Variants in FBLN2 observed in about 807,000 individuals in gnomAD.
FBLN2 encodes the protein fibulin 2.
Under a neutral mutation model 123.7 loss-of-function variants are expected in FBLN2, and 81 were observed. That is an observed-to-expected ratio of 0.65 (90% CI 0.55 to 0.79). FBLN2 has a LOEUF of 0.79. Ranked by LOEUF, FBLN2 falls within the 30% of genes least tolerant of loss-of-function variation. FBLN2 has a pLI of 0.00. For synonymous variants in FBLN2, 699 were observed against 701.4 expected (o/e 1.00, Z 0.05); for missense variants, 1,603 against 1,681.3 (o/e 0.95, Z 0.81).
chr3:13,620,499 C>T (rs1008887534), intron 8 of FBLN2, among the ~76,000 whole-genome samples: 4 of 152,198 alleles, frequency 2.6e-5, no homozygotes, highest in Non-Finnish European at 5.9e-5. Flanking sequence ...ACATACCTTC[C>T]ACCCCCGTGG....
chr3:13,614,288 G>C, intron 5 of FBLN2, 124 bp downstream of exon 5: 1 of 937,580 alleles, frequency 1.1e-6, no homozygotes. Flanking sequence ...TCTAAACAGA[G>C]TTCTGAGGAT....
chr3:13,559,205 G>A (rs1703544247), intron 1 of FBLN2, among the ~76,000 whole-genome samples: 1 of 151,916 alleles, frequency 6.6e-6, no homozygotes, highest in African/African-American at 2.4e-5. Flanking sequence ...GTCTGTTAAG[G>A]CTCTTGGTTG....
chr3:13,574,144 C>T (rs1235324695), intron 2 of FBLN2, among the ~76,000 whole-genome samples: 2 of 152,184 alleles, frequency 1.3e-5, no homozygotes, highest in Non-Finnish European at 2.9e-5. Flanking sequence ...CAGTGGACAG[C>T]AGCAGTCATT....
intron 11 of FBLN2, among the ~76,000 whole-genome samples, chr3:13,628,473 T>C (rs1487465570): frequency 6.6e-6 from 1 of 152,192 alleles, no homozygotes; most frequent in Non-Finnish European, 1.5e-5. Context: ...GTTTTACAGA[T>C]GCCGGCCTAG....
chr3:13,628,784 AACTCTG>A (rs1706138592), intron 11 of FBLN2, 115 bp from the exon 12 acceptor site: 1 of 1,190,142 alleles, frequency 8.4e-7, no homozygotes, highest in South Asian at 1.6e-5. Context: ...CTGGCCCTGC[AACTCTG>A]ACCAGGGCAG....
At chr3:13,582,217 G>A (rs1161486694) in intron 2 of FBLN2, among the ~76,000 whole-genome samples, 1 of 152,186 alleles carries the variant, frequency 6.6e-6, no homozygotes, top group Non-Finnish European at 1.5e-5. Flanking sequence ...CGAGCCCTGG[G>A]CTGCATCCTG....
chr3:13,569,337 C>T (rs1004798948), intron 1 of FBLN2, among the ~76,000 whole-genome samples: 2 of 151,948 alleles, frequency 1.3e-5, no homozygotes, highest in African/African-American at 2.4e-5. Context: ...GAAACTGGGG[C>T]GGGCTGTGGG....
chr3:13,621,961 C>T (rs1705868740), intron 9 of FBLN2, 46 bp downstream of exon 9: 2 of 1,592,256 alleles, frequency 1.3e-6, no homozygotes. Flanking sequence ...GCTCTCCGCT[C>T]TGCTCCACGC....
In FBLN2 at chr3:13,570,932, T is replaced by C. The variant is rs775990815; in HGVS notation, c.577T>C (p.Tyr193His). ...CGAGGAGGGTGACCCCGAGCGACAC[T>C]ACGAAGACCCCTACAGCTATGACCA... ...DAEEGDPERH[Y>H]EDPYSYDQEV... The change falls in exon 2 of 18, where the codon TAC becomes CAC. Residue 193 changes from tyrosine (Y) to histidine (H), a missense_variant. Physicochemically the swap from Tyr to His is moderately conservative, Grantham distance 83 (BLOSUM62 2). Transcript: ENST00000404922. 8.7e-6 allele frequency: 14 copies of C among 1,612,778 alleles called. No individual in the cohort carries two copies. The South Asian group carries it at 1.4e-4, about 16-fold the overall frequency.
At chr3:13,552,628 A>G (rs1703355226) in intron 1 of FBLN2, among the ~76,000 whole-genome samples, 1 of 152,112 alleles carries the variant, frequency 6.6e-6, no homozygotes, top group African/African-American at 2.4e-5. Context: ...AGAGGGGACC[A>G]CAGGGCTGTA....
In FBLN2 at chr3:13,618,993, C is replaced by G; in HGVS notation, c.2029C>G (p.Leu677Val). The change falls in exon 7 of 18, where the codon CTG (leucine) becomes GTG (valine). Residue 677 changes from leucine to valine, a missense_variant. Transcript: ENST00000404922. ...QVASNTIPLPLPQPNTCKDNG... is the reference protein window; with the variant it reads ...QVASNTIPLPVPQPNTCKDNG... The stretch of plus-strand genomic sequence containing the variant: ...GGCCTCTAACACCATCCCGCTGCCA[C>G]TGCCGCAGCCCAATACCTGCAAAGG... 6.2e-7 allele frequency: 1 copy of G among 1,612,280 alleles called. No individual in the cohort carries two copies. Among genetic ancestry groups the G allele is most frequent in the Admixed American group, 1.7e-5 (1 of 59,834 alleles).
At chr3:13,620,715 A>AGTT (rs1390283489) in intron 8 of FBLN2, among the ~76,000 whole-genome samples, 1 of 152,194 alleles carries the variant, frequency 6.6e-6, no homozygotes, top group African/African-American at 2.4e-5. Flanking sequence ...GAAGTATGGC[A>AGTT]GTTCTGGCTC....
In FBLN2 at chr3:13,571,437, G is replaced by T. The variant is rs753963982; in HGVS notation, c.1082G>T (p.Ser361Ile). 2.2e-5 allele frequency: 35 copies of T among 1,612,728 alleles called. No individual in the cohort carries two copies. Among genetic ancestry groups the T allele is most frequent in the Non-Finnish European group, 2.9e-5 (34 of 1,179,540 alleles). The change falls in exon 2 of 18, where the codon AGC (serine) becomes ATC (isoleucine). Residue 361 changes from serine (S) to isoleucine (I), a missense_variant. Coordinates refer to ENST00000404922, the MANE Select transcript of FBLN2 (RefSeq NM_001004019.2). ...CCGGAGGGCGTGACGCATGCACCGA[G>T]CCTGGGCAAGGCTGCTCTCGTCCCA... is the stretch of plus-strand genomic sequence containing the variant. ...TGPEGVTHAPSLGKAALVPTQ... is the reference protein window; with the variant it reads ...TGPEGVTHAPILGKAALVPTQ...
intron 16 of FBLN2, among the ~76,000 whole-genome samples, chr3:13,635,375 TACAC>T (rs3836364): frequency 4.3e-4 from 64 of 148,996 alleles, no homozygotes; most frequent in Admixed American, 4.0e-4. Flanking sequence ...GCCTGTGGGT[TACAC>T]ACACACACAC....
intron 4 of FBLN2, among the ~76,000 whole-genome samples, chr3:13,610,876 C>A (rs1347516984): frequency 6.9e-6 from 1 of 144,614 alleles, no homozygotes; most frequent in East Asian, 2.1e-4. Flanking sequence ...CAGAAAGGGG[C>A]AGGAGAGCCC....
chr3:13,563,582 G>A (rs977372079), intron 1 of FBLN2, among the ~76,000 whole-genome samples: 2 of 152,168 alleles, frequency 1.3e-5, no homozygotes, highest in African/African-American at 2.4e-5. Context: ...GCTCTCCCCC[G>A]ACAGACCATG....
At chr3:13,602,518 A>G (rs1705066358) in intron 2 of FBLN2, among the ~76,000 whole-genome samples, 1 of 152,204 alleles carries the variant, frequency 6.6e-6, no homozygotes, top group South Asian at 2.1e-4. Context: ...GTAGAGGAGA[A>G]TTGACATCTT....
chr3:13,635,610 A>C (rs1260036809), intron 16 of FBLN2, among the ~76,000 whole-genome samples: 1 of 151,806 alleles, frequency 6.6e-6, no homozygotes, highest in African/African-American at 2.4e-5. Context: ...TTGCTTCTGA[A>C]TGTACAGGAA....
intron 1 of FBLN2, among the ~76,000 whole-genome samples, chr3:13,558,029 A>G (rs1465563924): frequency 3.9e-5 from 6 of 152,202 alleles, no homozygotes; most frequent in African/African-American, 1.2e-4. Flanking sequence ...TTGGTTGTAC[A>G]CTGGCCGCCT....
Sources: allele counts gnomAD v4.1 joint callset (sites outside exome capture counted in the v4.1 genomes callset), GRCh38; gene constraint gnomAD v4.1.1; transcripts MANE v1.5; gene names NCBI Gene and HGNC (gene_info 2026-07-23, HGNC 2026-07-21).